KCNQ4: variants seen among roughly 807,000 people sequenced by gnomAD.
KCNQ4 encodes potassium voltage-gated channel subfamily KQT member 4.
Under a neutral mutation model 72.6 loss-of-function variants are expected in KCNQ4, and 31 were observed. The observed-to-expected ratio is 0.43, with a 90% CI of 0.32 to 0.58. The LOEUF is 0.58. KCNQ4 is among the 20% of genes least tolerant of loss of function. KCNQ4 has a pLI of 0.08. For synonymous variants in KCNQ4, 405 were observed against 403.7 expected (o/e 1.00, Z -0.04); for missense variants, 869 against 962.6 (o/e 0.90, Z 1.29).
At chr1:40,799,435 C>CG (rs939386120) in intron 1 of KCNQ4, among the ~76,000 whole-genome samples, 5 of 151,792 alleles carry the variant, frequency 3.3e-5, no homozygotes, top group African/African-American at 7.3e-5. Flanking sequence ...GGGCCATGCC[C>CG]CCCCCCTCGC....
At chr1:40,802,583 G>C (rs1461033877) in intron 1 of KCNQ4, among the ~76,000 whole-genome samples, 2 of 152,044 alleles carry the variant, frequency 1.3e-5, no homozygotes, top group Admixed American at 6.5e-5. Flanking sequence ...GAGGCGGGCT[G>C]GGGGCACCTG....
chr1:40,814,703 C>CA (rs112653467), intron 1 of KCNQ4, among the ~76,000 whole-genome samples: 8,636 of 124,946 alleles, frequency 0.069, 301 homozygotes, highest in Middle Eastern at 0.1. Flanking sequence ...GACCCTGTCT[C>CA]AAAAAAAAAC....
At position 40,784,255 on chromosome 1, in the gene KCNQ4, G is replaced by A. The variant is rs1210928809; in HGVS notation, c.162G>A (p.Pro54=). The A allele has an allele frequency of 2.9e-6, 4 of 1,393,328 alleles. No homozygotes were observed. The highest frequency in any genetic ancestry group is 3.1e-5 in the East Asian group (1 of 32,374). The allele number at this position is 1,393,328 out of a possible 1,614,324, so 86.3% of individuals were successfully genotyped here. A position where few individuals can be genotyped will look rare whatever the true frequency, so the allele number is the denominator to read the frequency against. ...GCCTCCTGGGCAGCCCCCTGCCGCC[G>A]GGCGCGCCCCTCCCTGGGCCGGGCT... ...RLGLLGSPLP[P]GAPLPGPGSG... is the part of the protein sequence containing the mutation. Residue 54 remains proline (P), a synonymous_variant, in exon 1 of 14, where the codon CCG becomes CCA. Transcript: ENST00000347132. The surrounding 1 kb of genome is among the most constrained non-coding windows in gnomAD (Gnocchi z 4.1).
chr1:40,827,297 C>T (rs11806175), intron 9 of KCNQ4, among the ~76,000 whole-genome samples: 10,421 of 152,208 alleles, frequency 0.068, 618 homozygotes, highest in African/African-American at 0.16. Flanking sequence ...ATGAGTGCAA[C>T]AAAGGGAGGA....
chr1:40,817,199 C>A lies in KCNQ4; in HGVS notation c.315-66C>A. On this transcript the variant is annotated intron_variant, in intron 1 of 13. Transcript: ENST00000347132. This position sits in a 1 kb window ranked among gnomAD's most constrained non-coding sequence, Gnocchi z 5.5. ...CCTCTCTTGGCTCTGTAACCCCCTGCCAGGGGCACCTTGGCTGTCCTGTCC... is the reference window on the plus strand; with the variant it reads ...CCTCTCTTGGCTCTGTAACCCCCTGACAGGGGCACCTTGGCTGTCCTGTCC... 1 of 1,326,016 alleles carries A rather than the reference C, an allele frequency of 7.5e-7. No individual in the cohort carries two copies. The highest frequency in any genetic ancestry group is 1.1e-6 in the Non-Finnish European group (1 of 925,018). 82.1% of individuals were successfully genotyped at this position (1,326,016 alleles called of 1,614,324 possible). A position where few individuals can be genotyped will look rare whatever the true frequency, so the allele number is the denominator to read the frequency against.
chr1:40,817,432 G>T lies in KCNQ4; in HGVS notation c.405+77G>T, dbSNP rs1648127962. 2.8e-6 allele frequency: 3 copies of T among 1,073,022 alleles called. No homozygotes were observed. Among genetic ancestry groups the T allele is most frequent in the East Asian group, 2.5e-5 (1 of 39,776 alleles). The allele number at this position is 1,073,022 out of a possible 1,614,324, so 66.5% of individuals were successfully genotyped here. On this transcript the variant is annotated intron_variant, in intron 2 of 13. Coordinates refer to ENST00000347132, the MANE Select transcript of KCNQ4 (RefSeq NM_004700.4). The surrounding 1 kb of genome is among the most constrained non-coding windows in gnomAD (Gnocchi z 5.5). Reference sequence around the variant, plus strand: ...GGGCTGGGAGTCCGGGACTGAGGGGGGCTGTGTGAGGTAGCACCTCTGGGC... The same window carrying T: ...GGGCTGGGAGTCCGGGACTGAGGGGTGCTGTGTGAGGTAGCACCTCTGGGC...
Position 40,788,723 on chromosome 1 carries a change from C to T in KCNQ4, c.314+4316C>T, listed in dbSNP as rs2148832856. Among the ~76,000 whole-genome samples the T allele has an allele frequency of 6.6e-6, 1 of 152,304 alleles. No individual in the cohort carries two copies. Among genetic ancestry groups the T allele is most frequent in the Non-Finnish European group, 1.5e-5 (1 of 68,028 alleles). ...CTCCTGTGTCATCTGTCCGTCCATC[C>T]CAGCACCCCGCACACAGTCAGCAGG... is the stretch of plus-strand genomic sequence containing the variant. On this transcript the variant is annotated intron_variant, in intron 1 of 13. Coordinates refer to ENST00000347132, the MANE Select transcript of KCNQ4 (RefSeq NM_004700.4). The surrounding 1 kb of genome is among the most constrained non-coding windows in gnomAD (Gnocchi z 4.5).
intron 13 of KCNQ4, among the ~76,000 whole-genome samples, chr1:40,838,035 C>T (rs1648857965): frequency 1.3e-5 from 2 of 151,614 alleles, no homozygotes; most frequent in Admixed American, 6.6e-5. Flanking sequence ...AAGCCTACCT[C>T]AGTTCCCCCT....
chr1:40,785,186 G>T (rs1295090792), intron 1 of KCNQ4, among the ~76,000 whole-genome samples: 3 of 152,188 alleles, frequency 2.0e-5, no homozygotes, highest in Non-Finnish European at 4.4e-5. Flanking sequence ...CGCTGCTGGG[G>T]CCCCCTCCTC....
intron 1 of KCNQ4, among the ~76,000 whole-genome samples, chr1:40,800,709 G>A (rs1647546656): frequency 6.6e-6 from 1 of 152,246 alleles, no homozygotes; most frequent in Non-Finnish European, 1.5e-5. Flanking sequence ...CAGCCTGGGG[G>A]TTGTGGAGGA....
intron 7 of KCNQ4, among the ~76,000 whole-genome samples, chr1:40,821,006 C>T (rs545643271): frequency 6.6e-6 from 1 of 152,296 alleles, no homozygotes; most frequent in East Asian, 1.9e-4. Context: ...CCTCTGAGCC[C>T]CAAACCCAAG....
At position 40,824,117 on chromosome 1, in the gene KCNQ4, A is replaced by G. The variant is rs1648397549; in HGVS notation, c.1151A>G (p.Glu384Gly). The change falls in exon 9 of 14, where the codon GAG becomes GGG. Residue 384 changes from glutamate to glycine, a missense_variant. This residue lies in a region of KCNQ4 where 480 missense variants were observed against 501.9 expected (regional missense o/e 0.96). Coordinates refer to ENST00000347132, the MANE Select transcript of KCNQ4 (RefSeq NM_004700.4). ...TGCAGAGAGCTGGCCCTCTTGTTTG[A>G]GCACGTGCAACGGGCCCGCAATGGG... ...PSFRELALLF[E>G]HVQRARNGGL... is the part of the protein sequence containing the mutation. 1.9e-6 allele frequency: 3 copies of G among 1,555,914 alleles called. No homozygotes were observed. The highest frequency in any genetic ancestry group is 2.6e-6 in the Non-Finnish European group (3 of 1,150,252).
At chr1:40,804,315 G>C (rs1056447018) in intron 1 of KCNQ4, among the ~76,000 whole-genome samples, 16 of 152,222 alleles carry the variant, frequency 1.1e-4, no homozygotes, top group African/African-American at 3.9e-4. Context: ...GAAATCCAAA[G>C]AACATTGCAT....
At chr1:40,791,329 G>A (rs1036115850) in intron 1 of KCNQ4, among the ~76,000 whole-genome samples, 3 of 152,156 alleles carry the variant, frequency 2.0e-5, no homozygotes, top group African/African-American at 4.8e-5. Flanking sequence ...TACCAGGTAG[G>A]GAGCTCTCTT....
chr1:40,826,337 T>A (rs754242451), intron 9 of KCNQ4, among the ~76,000 whole-genome samples: 26 of 152,198 alleles, frequency 1.7e-4, no homozygotes, highest in Middle Eastern at 3.2e-3. Flanking sequence ...ACCTCCTGCA[T>A]CAGCATCCCA....
intron 4 of KCNQ4, 187 bp downstream of exon 4, chr1:40,818,867 T>C: frequency 1.5e-6 from 1 of 655,172 alleles, no homozygotes; most frequent in Non-Finnish European, 2.7e-6. Flanking sequence ...CTGAATTAGG[T>C]AGGGGCGGGC....
intron 13 of KCNQ4, 74 bp from the exon 14 acceptor site, chr1:40,838,237 G>A: frequency 1.5e-6 from 2 of 1,314,592 alleles, no homozygotes; most frequent in Non-Finnish European, 2.2e-6. Flanking sequence ...GGTCCGCCCC[G>A]AGACCCAAGC....
chr1:40,784,531 C>T lies in KCNQ4; in HGVS notation c.314+124C>T, dbSNP rs1205472881. ...CTCAGGGCCGACCCTCATCTCTCTCCCCCCAGGCCTAAGCCCGGTTTCTGA... is the reference window on the plus strand; with the variant it reads ...CTCAGGGCCGACCCTCATCTCTCTCTCCCCAGGCCTAAGCCCGGTTTCTGA... On this transcript the variant is annotated intron_variant, in intron 1 of 13. Transcript: ENST00000347132. The surrounding 1 kb of genome is among the most constrained non-coding windows in gnomAD (Gnocchi z 4.1). The T allele has an allele frequency of 1.1e-6, 1 of 909,350 alleles. No individual in the cohort carries two copies. Among genetic ancestry groups the T allele is most frequent in the Admixed American group, 1.9e-5 (1 of 51,622 alleles). The allele number at this position is 909,350 out of a possible 1,614,324, so 56.3% of individuals were successfully genotyped here. A position where few individuals can be genotyped will look rare whatever the true frequency, so the allele number is the denominator to read the frequency against.
At chr1:40,832,910 T>C in intron 10 of KCNQ4, 104 bp from the exon 11 acceptor site, 2 of 837,600 alleles carry the variant, frequency 2.4e-6, no homozygotes, top group Non-Finnish European at 2.1e-6. Context: ...TGGGCCTCTG[T>C]CTTCCTATTG....
Sources: gnomAD v4.1 joint callset for allele counts (sites outside exome capture counted in the v4.1 genomes callset) on GRCh38, gnomAD v4.1.1 for gene constraint, gnomAD v4.1.1 regional missense constraint, Gnocchi (gnomAD v3.1) non-coding constraint, MANE v1.5 for transcripts, NCBI Gene and HGNC (gene_info 2026-07-23, HGNC 2026-07-21) for gene names.